The following ZMAT4 variants were observed in gnomAD, a reference collection of about 807,000 sequenced individuals.
The protein encoded by ZMAT4 is zinc finger matrin-type protein 4.
In ZMAT4, 17 loss-of-function variants were observed where a neutral mutation model predicts 28.7. The observed-to-expected ratio is 0.59, with a 90% CI of 0.41 to 0.89. ZMAT4 has a LOEUF of 0.89. Ranked by LOEUF, ZMAT4 falls within the 40% of genes least tolerant of loss-of-function variation. The pLI is 0.00. For synonymous variants in ZMAT4, 117 were observed against 109.2 expected (o/e 1.07, Z -0.44); for missense variants, 240 against 283.8 (o/e 0.85, Z 1.11).
At chr8:40,837,019 T>G (rs940676508) in intron 1 of ZMAT4, among the ~76,000 whole-genome samples, 5 of 152,202 alleles carry the variant, frequency 3.3e-5, no homozygotes, top group Admixed American at 2.0e-4. Flanking sequence ...ATAGATACCA[T>G]GTACACAATA....
At chr8:40,605,662 A>G (rs1315426360) in intron 5 of ZMAT4, among the ~76,000 whole-genome samples, 2 of 152,182 alleles carry the variant, frequency 1.3e-5, no homozygotes, top group Non-Finnish European at 2.9e-5. Context: ...AATGTTCTGT[A>G]AATATCTGTT....
intron 5 of ZMAT4, among the ~76,000 whole-genome samples, chr8:40,620,303 C>T (rs1215535730): frequency 6.6e-6 from 1 of 152,174 alleles, no homozygotes; most frequent in Non-Finnish European, 1.5e-5. Flanking sequence ...AGAGTTGATG[C>T]TGGAGCAAAG....
chr8:40,639,748 C>T (rs960703226), intron 5 of ZMAT4, among the ~76,000 whole-genome samples: 1 of 135,762 alleles, frequency 7.4e-6, no homozygotes, highest in African/African-American at 2.8e-5. Flanking sequence ...ATGTCTCAAA[C>T]TAACAAAATT....
intron 2 of ZMAT4, among the ~76,000 whole-genome samples, chr8:40,809,234 T>C (rs1221229506): frequency 6.6e-6 from 1 of 152,160 alleles, no homozygotes; most frequent in Non-Finnish European, 1.5e-5. Flanking sequence ...TTTTCACTTA[T>C]AAGTGGGAGC....
intron 1 of ZMAT4, among the ~76,000 whole-genome samples, chr8:40,891,030 C>T (rs758471167): frequency 2.3e-4 from 35 of 151,384 alleles, no homozygotes; most frequent in Non-Finnish European, 4.4e-4. Context: ...GTAATGTCTG[C>T]GGCATCAAAA....
At chr8:40,770,311 G>C (rs1813334950) in intron 2 of ZMAT4, among the ~76,000 whole-genome samples, 1 of 152,076 alleles carries the variant, frequency 6.6e-6, no homozygotes, top group Non-Finnish European at 1.5e-5. Flanking sequence ...GAGGAGTGTG[G>C]AGTCACATTC....
At chr8:40,644,023 A>G (rs1563382776) in intron 5 of ZMAT4, among the ~76,000 whole-genome samples, 1 of 152,172 alleles carries the variant, frequency 6.6e-6, no homozygotes, top group African/African-American at 2.4e-5. Context: ...AGGTTTTTAA[A>G]CCAGGGTAAT....
At chr8:40,644,761 A>T (rs538085879) in intron 5 of ZMAT4, among the ~76,000 whole-genome samples, 2 of 152,298 alleles carry the variant, frequency 1.3e-5, no homozygotes, top group South Asian at 4.1e-4. Flanking sequence ...CAGCCAGGTG[A>T]CCAAAGTCAA....
rs541396398 is a variant in ZMAT4 at position 40,816,811 on chromosome 8, G to T, written c.102+8764C>A. On this transcript the variant is annotated intron_variant, in intron 2 of 6. Coordinates refer to ENST00000297737, the MANE Select transcript of ZMAT4 (RefSeq NM_024645.3). ...CAAGTTTTTCAAGAAAAAGAAGTCA[G>T]AATGCAACTGACCCATTAGCAGATA... Among the ~76,000 whole-genome samples the T allele has an allele frequency of 2.0e-5, 3 of 152,310 alleles. No homozygotes were observed. In the East Asian group the frequency reaches 5.8e-4, roughly 29 times the overall value.
intron 5 of ZMAT4, among the ~76,000 whole-genome samples, chr8:40,669,663 T>C (rs540245239): frequency 1.8e-4 from 27 of 152,348 alleles, no homozygotes; most frequent in African/African-American, 6.0e-4. Context: ...ATAAAGTATG[T>C]ATAACCCACA....
Position 40,756,451 on chromosome 8 carries a change from TATATATAC to T in ZMAT4, c.192+11182_192+11189del, listed in dbSNP as rs1308427045. 1.2e-4 allele frequency among the ~76,000 whole-genome samples: 15 copies of T among 130,338 alleles called. 1 individual carries two copies. The highest frequency in any genetic ancestry group is 2.6e-4 in the South Asian group (1 of 3,838). 85.5% of individuals were successfully genotyped at this position (130,338 alleles called of 152,430 possible). On this transcript the variant is annotated intron_variant, in intron 3 of 6. Coordinates refer to ENST00000297737, the MANE Select transcript of ZMAT4 (RefSeq NM_024645.3). Reference sequence around the variant, plus strand: ...TTATATATATATATATATATATATATATATATACACACTTGTATACCTGAAAAAGAGAT... The same window carrying T: ...TTATATATATATATATATATATATATACACTTGTATACCTGAAAAAGAGAT...
Position 40,658,633 on chromosome 8 carries a change from C to T in ZMAT4, c.577+16071G>A, listed in dbSNP as rs756852077. 5.3e-3 allele frequency among the ~76,000 whole-genome samples: 802 copies of T among 150,298 alleles called. 1 individual carries two copies. Among genetic ancestry groups the T allele is most frequent in the South Asian group, 0.018 (86 of 4,718 alleles). ...CGTTAGACACATACACACACACACA[C>T]ACACACACACACACACACACACACA... On this transcript the variant is annotated intron_variant, in intron 5 of 6. Transcript: ENST00000297737.
chr8:40,543,647 A>G (rs1803111380), intron 6 of ZMAT4, among the ~76,000 whole-genome samples: 1 of 152,226 alleles, frequency 6.6e-6, no homozygotes, highest in Admixed American at 6.5e-5. Flanking sequence ...TCTCTAAATT[A>G]AGAAGACACT....
At chr8:40,563,483 T>C (rs1803814480) in intron 6 of ZMAT4, among the ~76,000 whole-genome samples, 2 of 152,084 alleles carry the variant, frequency 1.3e-5, no homozygotes, top group South Asian at 2.1e-4. Context: ...AAGTATTAGG[T>C]CTCTAGCAAA....
intron 3 of ZMAT4, among the ~76,000 whole-genome samples, chr8:40,760,021 T>G (rs1007168873): frequency 6.6e-6 from 1 of 152,184 alleles, no homozygotes; most frequent in Admixed American, 6.5e-5. Context: ...TTGGTCAGTC[T>G]TCTCTGCTTT....
At chr8:40,798,704 C>A (rs958643731) in intron 2 of ZMAT4, among the ~76,000 whole-genome samples, 4 of 152,212 alleles carry the variant, frequency 2.6e-5, no homozygotes, top group Admixed American at 6.5e-5. Flanking sequence ...CAGCACTCGG[C>A]TGAGATTAAT....
At position 40,792,968 on chromosome 8, in the gene ZMAT4, G is replaced by A. The variant is rs117506373; in HGVS notation, c.103-25238C>T. Among the ~76,000 whole-genome samples the A allele has an allele frequency of 2.6e-5, 4 of 152,024 alleles. No homozygotes were observed. The East Asian group carries it at 7.9e-4, about 30-fold the overall frequency. On this transcript the variant is annotated intron_variant, in intron 2 of 6. Coordinates refer to ENST00000297737, the MANE Select transcript of ZMAT4 (RefSeq NM_024645.3). The stretch of plus-strand genomic sequence containing the variant: ...GGTGTGGGGATGGTGAATAGGCAGA[G>A]CACACAGGATTTTTCAGCTGGGGAA...
chr8:40,815,159 CAGCTACTCG>C (rs1815479682), intron 2 of ZMAT4, among the ~76,000 whole-genome samples: 1 of 152,092 alleles, frequency 6.6e-6, no homozygotes, highest in Admixed American at 6.5e-5. Context: ...CCTGTAATCC[CAGCTACTCG>C]AGTGGCTGAT....
chr8:40,707,593 TTGTG>T (rs368897182), intron 3 of ZMAT4, among the ~76,000 whole-genome samples: 19 of 151,810 alleles, frequency 1.3e-4, no homozygotes, highest in African/African-American at 4.6e-4. Flanking sequence ...TCAAATATCT[TTGTG>T]TGTGAGTATG....
Sources: allele counts gnomAD v4.1 joint callset (sites outside exome capture counted in the v4.1 genomes callset), GRCh38; gene constraint gnomAD v4.1.1; transcripts MANE v1.5; gene names NCBI Gene and HGNC (gene_info 2026-07-23, HGNC 2026-07-21).